Variants in ELAPOR2 observed in about 807,000 individuals in gnomAD.
ELAPOR2 encodes the protein endosome/lysosome-associated apoptosis and autophagy regulator family member 2.
In ELAPOR2, 89 loss-of-function variants were observed where a neutral mutation model predicts 120.7. That is an observed-to-expected ratio of 0.74 (90% confidence interval 0.62 to 0.88). ELAPOR2 has a LOEUF of 0.88. Among genes scored for constraint, ELAPOR2 ranks in the 40% least tolerant of loss-of-function variants. The pLI is 0.00. For synonymous variants in ELAPOR2, 444 were observed against 444.9 expected, an observed-to-expected ratio of 1.00 and a Z score of 0.03; for missense variants, 1,134 against 1,251.6, an observed-to-expected ratio of 0.91 and a Z score of 1.42.
intron 1 of ELAPOR2, among the ~76,000 whole-genome samples, chr7:87,045,321 C>T (rs899572041): frequency 6.1e-5 from 9 of 147,284 alleles, no homozygotes; most frequent in East Asian, 2.0e-4. Context: ...ATGTTTATTG[C>T]GGCATTATTG....
chr7:86,945,690 A>G (rs17765493), intron 3 of ELAPOR2, among the ~76,000 whole-genome samples: 17,444 of 152,222 alleles, frequency 0.11, 1,054 homozygotes, highest in East Asian at 0.14. Flanking sequence ...AACATTATAT[A>G]AAGGTACAAT....
chr7:86,935,562 G>A (rs138505025), intron 8 of ELAPOR2, among the ~76,000 whole-genome samples: 68 of 151,996 alleles, frequency 4.5e-4, no homozygotes, highest in African/African-American at 1.6e-3. Context: ...TCTAAGTGCT[G>A]AGATCCTGGA....
chr7:86,940,717 C>A (rs939662897), intron 5 of ELAPOR2, among the ~76,000 whole-genome samples: 17 of 151,986 alleles, frequency 1.1e-4, no homozygotes, highest in African/African-American at 3.6e-4. Flanking sequence ...TCATAAATTT[C>A]ATGTTCATAC....
At chr7:86,908,150 TACAC>T (rs144805388) in intron 17 of ELAPOR2, among the ~76,000 whole-genome samples, 22,797 of 144,190 alleles carry the variant, frequency 0.16, 2,045 homozygotes, top group African/African-American at 0.26. Flanking sequence ...TGTAAGTGAA[TACAC>T]ACACACACAC....
At chr7:86,891,381 A>C in intron 21 of ELAPOR2, 1 of 171,710 alleles carries the variant, frequency 5.8e-6, no homozygotes, top group Non-Finnish European at 1.2e-5. Flanking sequence ...ATTTAATATA[A>C]ATACAATAGT....
chr7:86,997,344 T>A (rs1193181829), intron 1 of ELAPOR2, among the ~76,000 whole-genome samples: 2 of 152,172 alleles, frequency 1.3e-5, no homozygotes, highest in Non-Finnish European at 2.9e-5. Context: ...GATTCTCATA[T>A]AAGTGCTAAA....
intron 18 of ELAPOR2, among the ~76,000 whole-genome samples, chr7:86,906,007 T>C (rs1413059014): frequency 6.6e-6 from 1 of 152,136 alleles, no homozygotes; most frequent in Non-Finnish European, 1.5e-5. Flanking sequence ...GTTAGAGTGA[T>C]GTGTTTCCTA....
In ELAPOR2 at chr7:86,937,954, T is replaced by C. The variant is rs148529926; in HGVS notation, c.1089+172A>G. Among the ~76,000 whole-genome samples, 160 of 152,220 alleles carry C rather than the reference T, an allele frequency of 1.1e-3. 1 individual carries two copies. Among genetic ancestry groups the C allele is most frequent in the Admixed American group, 5.5e-3 (84 of 15,270 alleles). ...AAGTTGCCCACAGGACTTAATGGTA[T>C]ATGTGAAATTCAAAGCCAGGAAGGC... is the stretch of plus-strand genomic sequence containing the variant. On this transcript the variant is annotated intron_variant, in intron 8 of 21. Transcript: ENST00000450689.
chr7:87,021,341 C>T (rs1363397133), intron 1 of ELAPOR2, among the ~76,000 whole-genome samples: 1 of 152,114 alleles, frequency 6.6e-6, no homozygotes, highest in African/African-American at 2.4e-5. Flanking sequence ...CAAATAGATA[C>T]ACACGCATAT....
At chr7:87,019,750 A>G (rs913517483) in intron 1 of ELAPOR2, among the ~76,000 whole-genome samples, 2 of 152,184 alleles carry the variant, frequency 1.3e-5, no homozygotes, top group Admixed American at 6.5e-5. Flanking sequence ...AAAAGCCTTA[A>G]AAGTACACAC....
At chr7:86,935,868 T>G (rs1433273387) in intron 8 of ELAPOR2, among the ~76,000 whole-genome samples, 1 of 152,052 alleles carries the variant, frequency 6.6e-6, no homozygotes, top group Non-Finnish European at 1.5e-5. Context: ...ATCTCTTAAT[T>G]AGGATTAGAA....
At chr7:86,907,588 AGAGAAT>A (rs1190033751) in intron 18 of ELAPOR2, 76 bp downstream of exon 18, 1 of 883,014 alleles carries the variant, frequency 1.1e-6, no homozygotes, top group African/African-American at 1.8e-5. Flanking sequence ...TTATGTTCAT[AGAGAAT>A]ATGTTTTAAA....
chr7:86,892,574 G>A (rs1413162517), intron 20 of ELAPOR2, among the ~76,000 whole-genome samples: 1 of 152,030 alleles, frequency 6.6e-6, no homozygotes, highest in African/African-American at 2.4e-5. Context: ...GAAGGAAGAA[G>A]ACAGCATTAT....
Position 86,912,205 on chromosome 7 carries a change from T to C in ELAPOR2, c.2036A>G (p.Glu679Gly). The C allele has an allele frequency of 6.2e-7, 1 of 1,607,730 alleles. No homozygotes were observed. The highest frequency in any genetic ancestry group is 2.2e-5 in the East Asian group (1 of 44,698). ...VCYSDCFFYH[E>G]KENQSLHYDF... Reference sequence around the variant, plus strand: ...ATAGTGCAAACTCTGATTTTCTTTTTCATGGTAGAAAAAGCAGTCACTATA... The same window carrying C: ...ATAGTGCAAACTCTGATTTTCTTTTCCATGGTAGAAAAAGCAGTCACTATA... Residue 679 changes from glutamate to glycine, a missense_variant, in exon 15 of 22, where the codon GAA (glutamate) becomes GGA (glycine). By Grantham distance (98) the Glu-to-Gly change is moderately conservative. Transcript: ENST00000450689.
At chr7:86,946,920 C>T (rs754363079) in intron 3 of ELAPOR2, among the ~76,000 whole-genome samples, 21 of 151,906 alleles carry the variant, frequency 1.4e-4, no homozygotes, top group South Asian at 2.1e-4. Flanking sequence ...ATCCTATTAT[C>T]GAGAGATTAA....
chr7:86,903,356 G>A (rs1398760844), intron 18 of ELAPOR2, among the ~76,000 whole-genome samples: 1 of 152,026 alleles, frequency 6.6e-6, no homozygotes, highest in African/African-American at 2.4e-5. Flanking sequence ...AATATTCTAA[G>A]AACGTATTTG....
At chr7:87,045,982 G>A (rs1234320273) in intron 1 of ELAPOR2, among the ~76,000 whole-genome samples, 1 of 151,784 alleles carries the variant, frequency 6.6e-6, no homozygotes, top group Non-Finnish European at 1.5e-5. Context: ...AAGAAAAAAA[G>A]GGCATCCAAA....
At chr7:86,945,841 C>A (rs904429157) in intron 3 of ELAPOR2, among the ~76,000 whole-genome samples, 3 of 151,860 alleles carry the variant, frequency 2.0e-5, no homozygotes, top group African/African-American at 7.3e-5. Flanking sequence ...TTCTGCTTAT[C>A]AAAGGACACT....
intron 5 of ELAPOR2, among the ~76,000 whole-genome samples, chr7:86,940,375 T>C (rs1028184719): frequency 6.6e-6 from 1 of 152,002 alleles, no homozygotes; most frequent in African/African-American, 2.4e-5. Flanking sequence ...ACACAAAAAA[T>C]GATTCTCAAA....
Sources: gnomAD v4.1 joint callset for allele counts (sites outside exome capture counted in the v4.1 genomes callset) on GRCh38, gnomAD v4.1.1 for gene constraint, MANE v1.5 for transcripts, NCBI Gene and HGNC (gene_info 2026-07-23, HGNC 2026-07-21) for gene names.